The following RABGAP1L variants were observed in gnomAD, a reference collection of about 807,000 sequenced individuals.
RABGAP1L encodes the protein RAB GTPase activating protein 1 like.
A neutral mutation model predicts 137.7 loss-of-function variants in RABGAP1L; 63 were observed. That is an observed-to-expected ratio of 0.46 (90% CI 0.37 to 0.56). RABGAP1L has a LOEUF of 0.56. Ranked by LOEUF, RABGAP1L falls within the 20% of genes least tolerant of loss-of-function variation. The pLI is 0.00. For synonymous variants in RABGAP1L, 431 were observed against 433.7 expected, an observed-to-expected ratio of 0.99 and a Z score of 0.08; for missense variants, 1,095 against 1,244.0, an observed-to-expected ratio of 0.88 and a Z score of 1.80.
At chr1:174,961,340 C>T (rs552115172) in intron 20 of RABGAP1L, among the ~76,000 whole-genome samples, 66 of 152,106 alleles carry the variant, frequency 4.3e-4, no homozygotes, top group African/African-American at 1.5e-3. Flanking sequence ...GTAACTAAGC[C>T]CTTAATAAGC....
chr1:174,160,253 A>G (rs1664327941), intron 1 of RABGAP1L, among the ~76,000 whole-genome samples: 1 of 147,944 alleles, frequency 6.8e-6, no homozygotes, highest in South Asian at 2.1e-4. Flanking sequence ...TGACCTCCTG[A>G]GCCATGACAA....
chr1:174,290,826 A>T (rs1676526912), intron 10 of RABGAP1L, among the ~76,000 whole-genome samples: 3 of 150,280 alleles, frequency 2.0e-5, no homozygotes, highest in Admixed American at 2.0e-4. Context: ...CAATGGCGAG[A>T]TCTCGGCTCA....
chr1:174,969,342 T>C lies in RABGAP1L; in HGVS notation c.2499T>C (p.His833=). ...AACAAGAGAATGATGACCTTGCCCA[T>C]GAACTAGTAACAAGCAAAATTGCTC... ...RLEQENDDLA[H]ELVTSKIALR... The change falls in exon 21 of 26, where the codon CAT becomes CAC. Residue 833 remains histidine (H), a synonymous_variant. Transcript: ENST00000681986. 1.3e-6 allele frequency: 2 copies of C among 1,550,700 alleles called. No individual in the cohort carries two copies. The highest frequency in any genetic ancestry group is 1.7e-6 in the Non-Finnish European group (2 of 1,146,970).
intron 19 of RABGAP1L, among the ~76,000 whole-genome samples, chr1:174,870,347 CAT>C (rs1243525065): frequency 1.3e-5 from 2 of 152,192 alleles, no homozygotes; most frequent in Non-Finnish European, 2.9e-5. Context: ...AGAGGGACTT[CAT>C]TCTATTACAG....
chr1:174,409,115 T>C (rs1649610386), intron 13 of RABGAP1L, among the ~76,000 whole-genome samples: 1 of 152,158 alleles, frequency 6.6e-6, no homozygotes, highest in South Asian at 2.1e-4. Flanking sequence ...TTTTTGAGGG[T>C]TTAGTCATAA....
rs529576237 is a variant in RABGAP1L, at chr1:174,223,259, C to T, written c.331+2095C>T. Among the ~76,000 whole-genome samples the T allele has an allele frequency of 2.8e-4, 20 of 72,114 alleles. No homozygotes were observed. In the South Asian group the frequency reaches 0.013, roughly 45 times the overall value. 47.3% of individuals were successfully genotyped at this position (72,114 alleles called of 152,430 possible). Reference sequence around the variant, plus strand: ...CTCCAGCCTGCGTGACAGTGAGACTCTGTCTAAAAAAAAAAAAAAAAAAAA... The same window carrying T: ...CTCCAGCCTGCGTGACAGTGAGACTTTGTCTAAAAAAAAAAAAAAAAAAAA... On this transcript the variant is annotated intron_variant, in intron 3 of 25. Coordinates refer to ENST00000681986, the MANE Select transcript of RABGAP1L (RefSeq NM_001366446.1).
intron 13 of RABGAP1L, among the ~76,000 whole-genome samples, chr1:174,408,765 T>C (rs946679765): frequency 9.2e-5 from 14 of 152,190 alleles, no homozygotes; most frequent in Admixed American, 6.5e-4. Flanking sequence ...CCATTTTGGC[T>C]AGTATGACAT....
chr1:174,560,453 G>A (rs546659688), intron 13 of RABGAP1L, among the ~76,000 whole-genome samples: 1 of 152,330 alleles, frequency 6.6e-6, no homozygotes, highest in South Asian at 2.1e-4. Context: ...CAGTAAATAA[G>A]TAAGCTGAGA....
chr1:174,628,194 G>T (rs937542806), intron 13 of RABGAP1L, among the ~76,000 whole-genome samples: 1 of 152,006 alleles, frequency 6.6e-6, no homozygotes, highest in Non-Finnish European at 1.5e-5. Flanking sequence ...TTTATGAATG[G>T]ATTCATAGAA....
intron 18 of RABGAP1L, among the ~76,000 whole-genome samples, chr1:174,805,229 A>G (rs951972304): frequency 2.0e-5 from 3 of 152,196 alleles, no homozygotes; most frequent in Non-Finnish European, 4.4e-5. Context: ...GTAAGTGCAA[A>G]GGATACTTAC....
At position 174,641,740 on chromosome 1, in the gene RABGAP1L, T is replaced by G. The variant is rs1310857966; in HGVS notation, c.1824+4252T>G. 2.0e-5 allele frequency among the ~76,000 whole-genome samples: 3 copies of G among 152,304 alleles called. No homozygotes were observed. The East Asian group carries it at 5.8e-4, about 29-fold the overall frequency. On this transcript the variant is annotated intron_variant, in intron 14 of 25. Coordinates refer to ENST00000681986, the MANE Select transcript of RABGAP1L (RefSeq NM_001366446.1). ...TTTTGATTCTTTCACTAAGTAGATC[T>G]AAGAATGAGGGAAATTTGTAAGGGT... is the stretch of plus-strand genomic sequence containing the variant.
intron 13 of RABGAP1L, among the ~76,000 whole-genome samples, chr1:174,415,975 A>G (rs1650511770): frequency 1.3e-5 from 2 of 150,058 alleles, no homozygotes; most frequent in Non-Finnish European, 3.0e-5. Context: ...AAACTATACC[A>G]GAACCTTAAA....
At chr1:174,612,089 T>G (rs568266297) in intron 13 of RABGAP1L, among the ~76,000 whole-genome samples, 2 of 152,250 alleles carry the variant, frequency 1.3e-5, no homozygotes, top group Admixed American at 1.3e-4. Context: ...CTTCTAACAC[T>G]ATGTTGAATA....
chr1:174,441,407 G>C (rs185834955), intron 13 of RABGAP1L, among the ~76,000 whole-genome samples: 2 of 151,970 alleles, frequency 1.3e-5, no homozygotes, highest in African/African-American at 4.8e-5. Context: ...TAATCCTATC[G>C]GAAAAAAGTA....
chr1:174,866,164 A>AGAGAGAGAG (rs2149038417), intron 19 of RABGAP1L, among the ~76,000 whole-genome samples: 1 of 105,148 alleles, frequency 9.5e-6, no homozygotes, highest in East Asian at 2.8e-4. Context: ...AGAGAGAGAG[A>AGAGAGAGAG]TGCCAGCCTG....
intron 19 of RABGAP1L, among the ~76,000 whole-genome samples, chr1:174,911,528 A>G (rs1010084717): frequency 2.6e-5 from 4 of 152,204 alleles, no homozygotes. Context: ...TGCTTAGGAG[A>G]CTGGAGATAA....
At chr1:174,514,769 A>T (rs1260558032) in intron 13 of RABGAP1L, among the ~76,000 whole-genome samples, 1 of 152,040 alleles carries the variant, frequency 6.6e-6, no homozygotes, top group Non-Finnish European at 1.5e-5. Context: ...ATTCTTTCTG[A>T]TGGGTTTTTG....
At chr1:174,839,549 T>A (rs1235121494) in intron 19 of RABGAP1L, among the ~76,000 whole-genome samples, 1 of 152,220 alleles carries the variant, frequency 6.6e-6, no homozygotes, top group East Asian at 1.9e-4. Flanking sequence ...ATCCTAATTG[T>A]TTAAGAGAGG....
chr1:174,880,060 G>A (rs1653899884), intron 19 of RABGAP1L, among the ~76,000 whole-genome samples: 1 of 59,250 alleles, frequency 1.7e-5, no homozygotes, highest in East Asian at 4.8e-4. Context: ...GCAAGACTCT[G>A]TCTCAAAAAA....
Sources: gnomAD v4.1 joint callset for allele counts (sites outside exome capture counted in the v4.1 genomes callset) on GRCh38, gnomAD v4.1.1 for gene constraint, MANE v1.5 for transcripts, NCBI Gene and HGNC (gene_info 2026-07-23, HGNC 2026-07-21) for gene names.